HEPHL1: variants seen among roughly 807,000 people sequenced by gnomAD.
HEPHL1 encodes the protein hephaestin like 1.
A neutral mutation model predicts 122.0 loss-of-function variants in HEPHL1; 123 were observed. That is an observed-to-expected ratio of 1.01 (90% CI 0.87 to 1.17). The LOEUF (loss-of-function observed/expected upper bound fraction) is 1.17. HEPHL1 is among the 50% of genes most tolerant of loss of function. The pLI is 0.00. For synonymous variants in HEPHL1, 527 were observed against 508.9 expected (o/e 1.04, Z -0.48); for missense variants, 1,452 against 1,430.5 (o/e 1.01, Z -0.24).
At chr11:94,066,629 C>G (rs1177809203) in intron 4 of HEPHL1, among the ~76,000 whole-genome samples, 1 of 152,048 alleles carries the variant, frequency 6.6e-6, no homozygotes, top group Non-Finnish European at 1.5e-5. Flanking sequence ...TTAAAAAAAT[C>G]TAGACTATGG....
At chr11:94,085,674 C>G (rs188748508) in intron 10 of HEPHL1, among the ~76,000 whole-genome samples, 94 of 152,230 alleles carry the variant, frequency 6.2e-4, no homozygotes, top group Non-Finnish European at 1.3e-3. Context: ...ATTTTCATAT[C>G]GAGAGCCTTA....
chr11:94,032,569 AG>A (rs1259106768), intron 1 of HEPHL1, among the ~76,000 whole-genome samples: 1 of 152,154 alleles, frequency 6.6e-6, no homozygotes, highest in Non-Finnish European at 1.5e-5. Flanking sequence ...AGTCTTTGGG[AG>A]GCATACCCAG....
chr11:94,044,368 T>G (rs2134414772), intron 1 of HEPHL1, among the ~76,000 whole-genome samples: 1 of 152,292 alleles, frequency 6.6e-6, no homozygotes. Context: ...CCCTCAACTT[T>G]GCTCTGCCTT....
At chr11:94,093,979 T>G (rs5027337) in intron 13 of HEPHL1, among the ~76,000 whole-genome samples, 15,673 of 57,580 alleles carry the variant, frequency 0.27, 1,713 homozygotes, top group Admixed American at 0.39. Context: ...CAGATATATA[T>G]ATATATATAT....
intron 2 of HEPHL1, among the ~76,000 whole-genome samples, chr11:94,048,391 G>A (rs146185578): frequency 2.2e-4 from 34 of 152,034 alleles, no homozygotes; most frequent in Non-Finnish European, 2.9e-4. Context: ...ATGGGGTCTC[G>A]CTCTGTCACT....
intron 1 of HEPHL1, among the ~76,000 whole-genome samples, chr11:94,029,699 G>A (rs76670670): frequency 0.016 from 2,443 of 152,272 alleles, 81 homozygotes; most frequent in African/African-American, 0.055. Flanking sequence ...GGTGACTATT[G>A]GCTGTATAGG....
rs1946454787 is a variant in HEPHL1 at position 94,112,044 on chromosome 11, AG to A, written c.*151del. On this transcript the variant is annotated 3_prime_UTR_variant, in exon 20 of 20. Transcript: ENST00000315765. ...TCTGATCCTCTCAAACATCATCCAA[AG>A]CAATTTGCTTTTATTTATTTATTTT... The A allele has an allele frequency of 2.0e-6, 1 of 497,662 alleles. No individual in the cohort carries two copies. Among genetic ancestry groups the A allele is most frequent in the Admixed American group, 3.0e-5 (1 of 32,906 alleles). The allele number at this position is 497,662 out of a possible 1,614,324, so 30.8% of individuals were successfully genotyped here.
chr11:94,052,592 G>A (rs1234740770), intron 2 of HEPHL1, among the ~76,000 whole-genome samples: 3 of 151,950 alleles, frequency 2.0e-5, no homozygotes, highest in East Asian at 1.9e-4. Context: ...TTCCAGTTTG[G>A]ATGTCCTTAT....
At chr11:94,022,072 A>G (rs1945586521) in intron 1 of HEPHL1, among the ~76,000 whole-genome samples, 1 of 152,180 alleles carries the variant, frequency 6.6e-6, no homozygotes, top group East Asian at 1.9e-4. Context: ...TAGCGCTTTC[A>G]CTGGTAAAAA....
intron 2 of HEPHL1, among the ~76,000 whole-genome samples, chr11:94,062,982 C>G (rs546871537): frequency 6.6e-6 from 1 of 152,046 alleles, no homozygotes; most frequent in Non-Finnish European, 1.5e-5. Flanking sequence ...TCCAGTTGTC[C>G]CATGTGTTTA....
At chr11:94,042,891 A>AAAAAAAAACAAAAC (rs762818935) in intron 1 of HEPHL1, among the ~76,000 whole-genome samples, 1 of 149,058 alleles carries the variant, frequency 6.7e-6, no homozygotes, top group East Asian at 2.2e-4. Flanking sequence ...AAAAAAAAAA[A>AAAAAAAAACAAAAC]AACTGCATGA....
chr11:94,028,439 T>C (rs1945645190), intron 1 of HEPHL1, among the ~76,000 whole-genome samples: 1 of 152,200 alleles, frequency 6.6e-6, no homozygotes, highest in African/African-American at 2.4e-5. Flanking sequence ...CTGTACTGTG[T>C]AGGGGATTCC....
Position 94,045,051 on chromosome 11 carries a change from G to A in HEPHL1, c.171-622G>A, listed in dbSNP as rs148633535. Among the ~76,000 whole-genome samples the A allele has an allele frequency of 3.9e-3, 589 of 152,164 alleles. 3 individuals are homozygous for A. Among genetic ancestry groups the A allele is most frequent in the Non-Finnish European group, 6.8e-3 (463 of 68,000 alleles). ...ATATCAGGTAGCTAGGACTACAGGC[G>A]GCCCACCACCATGCTCGGCTTTTTT... is the stretch of plus-strand genomic sequence containing the variant. On this transcript the variant is annotated intron_variant, in intron 1 of 19. Transcript: ENST00000315765.
At chr11:94,093,396 C>A in intron 12 of HEPHL1, 105 bp from the exon 13 acceptor site, 1 of 1,295,952 alleles carries the variant, frequency 7.7e-7, no homozygotes, top group South Asian at 1.2e-5. Context: ...TTGATCACAG[C>A]CAGGTTTGGG....
At chr11:94,039,083 A>G (rs1476170484) in intron 1 of HEPHL1, among the ~76,000 whole-genome samples, 1 of 84,768 alleles carries the variant, frequency 1.2e-5, no homozygotes, top group African/African-American at 4.7e-5. Flanking sequence ...AGTCTCTGAT[A>G]AAACAGACTT....
chr11:94,089,432 G>C (rs1159201441), intron 12 of HEPHL1, among the ~76,000 whole-genome samples: 1 of 152,194 alleles, frequency 6.6e-6, no homozygotes, highest in African/African-American at 2.4e-5. Flanking sequence ...GGAGGCCATT[G>C]CCTTGTAAGA....
intron 1 of HEPHL1, among the ~76,000 whole-genome samples, chr11:94,024,392 A>C (rs1945606421): frequency 1.3e-5 from 2 of 152,198 alleles, no homozygotes; most frequent in African/African-American, 4.8e-5. Context: ...CATTAGAAAT[A>C]ATTTTGAAAC....
Position 94,048,027 on chromosome 11 carries a change from C to T in HEPHL1, c.415+2110C>T, listed in dbSNP as rs150559512. Among the ~76,000 whole-genome samples, 833 of 152,276 alleles carry T rather than the reference C, an allele frequency of 5.5e-3. 12 individuals carry two copies. Among genetic ancestry groups the T allele is most frequent in the Middle Eastern group, 0.02 (6 of 294 alleles). ...TATATAGCCATTAATCAATACCTCTCCATTCCTCCCTTTTGCTGCCCCACT... is the reference window on the plus strand; with the variant it reads ...TATATAGCCATTAATCAATACCTCTTCATTCCTCCCTTTTGCTGCCCCACT... On this transcript the variant is annotated intron_variant, in intron 2 of 19. Coordinates refer to ENST00000315765, the MANE Select transcript of HEPHL1 (RefSeq NM_001098672.2).
At chr11:94,100,644 C>T (rs909917838) in intron 13 of HEPHL1, among the ~76,000 whole-genome samples, 4 of 152,182 alleles carry the variant, frequency 2.6e-5, no homozygotes, top group Non-Finnish European at 4.4e-5. Flanking sequence ...ATTCCTTTTA[C>T]ACACATTATT....
Sources: allele counts gnomAD v4.1 joint callset (sites outside exome capture counted in the v4.1 genomes callset), GRCh38; gene constraint gnomAD v4.1.1; transcripts MANE v1.5; gene names NCBI Gene and HGNC (gene_info 2026-07-23, HGNC 2026-07-21).